Variants in SPEN observed in about 807,000 individuals in gnomAD.
SPEN encodes the protein spen family transcriptional repressor.
Under a neutral mutation model 269.9 loss-of-function variants are expected in SPEN, and 18 were observed. That is an observed-to-expected ratio of 0.07 (90% confidence interval 0.05 to 0.10). SPEN has a LOEUF of 0.10. SPEN is among the 10% of genes least tolerant of loss of function. SPEN has a pLI of 1.00. For missense variants in SPEN, 3,822 were observed against 4,631.2 expected (o/e 0.83, Z 5.07); for synonymous variants, 1,726 against 1,765.7 (o/e 0.98, Z 0.56).
intron 3 of SPEN, among the ~76,000 whole-genome samples, chr1:15,907,331 A>G (rs777355158): frequency 6.6e-6 from 1 of 152,066 alleles, no homozygotes; most frequent in Non-Finnish European, 1.5e-5. Context: ...AAAATATAAA[A>G]AATAGCTGGG....
intron 3 of SPEN, among the ~76,000 whole-genome samples, chr1:15,888,118 T>C (rs942181917): frequency 6.7e-6 from 1 of 150,080 alleles, no homozygotes; most frequent in Admixed American, 6.7e-5. Context: ...TTTATTTGTC[T>C]TTTTTTTTGA....
At chr1:15,867,487 C>A (rs2070526219) in intron 1 of SPEN, among the ~76,000 whole-genome samples, 1 of 152,146 alleles carries the variant, frequency 6.6e-6, no homozygotes, top group Non-Finnish European at 1.5e-5. Context: ...CCTGAGCCAC[C>A]ACGCCTGGCT....
chr1:15,903,288 A>T (rs2070920834), intron 3 of SPEN, among the ~76,000 whole-genome samples: 2 of 152,210 alleles, frequency 1.3e-5, no homozygotes, highest in African/African-American at 4.8e-5. Flanking sequence ...ATATTTCTTC[A>T]TAAGGAAATA....
chr1:15,860,170 C>T (rs1306458009), intron 1 of SPEN, among the ~76,000 whole-genome samples: 3 of 151,954 alleles, frequency 2.0e-5, no homozygotes, highest in African/African-American at 7.3e-5. Flanking sequence ...CTCGGCCTCC[C>T]AAAGTGCTGG....
At position 15,937,069 on chromosome 1, in the gene SPEN, T is replaced by C; in HGVS notation, c.10027-94T>C. The C allele has an allele frequency of 6.6e-7, 1 of 1,507,542 alleles. No homozygotes were observed. The highest frequency in any genetic ancestry group is 8.9e-7 in the Non-Finnish European group (1 of 1,118,318). The allele number at this position is 1,507,542 out of a possible 1,614,324, so 93.4% of individuals were successfully genotyped here. On this transcript the variant is annotated intron_variant, in intron 11 of 14. Transcript: ENST00000375759. The surrounding 1 kb of genome is among the most constrained non-coding windows in gnomAD (Gnocchi z 5.7). ...ACTTAACGGGAGATGCCACATCTTA[T>C]CCTTTCCCTGTGGCCCTTTGGGTCA...
chr1:15,903,621 C>T (rs1236660739), intron 3 of SPEN, among the ~76,000 whole-genome samples: 1 of 151,772 alleles, frequency 6.6e-6, no homozygotes, highest in Non-Finnish European at 1.5e-5. Context: ...AGTGATCTGC[C>T]TGCCTTGGCC....
chr1:15,937,550 G>A lies in SPEN; in HGVS notation c.10414G>A (p.Val3472Ile). 5.0e-6 allele frequency: 8 copies of A among 1,614,094 alleles called. No individual in the cohort carries two copies. Among genetic ancestry groups the A allele is most frequent in the Non-Finnish European group, 6.8e-6 (8 of 1,180,018 alleles). ...TGGCCCCAGCACCCCACCAGGACTG[G>A]TTCTGCCACACACTGAATTCCAGCC... ...TSGPSTPPGL[V>I]LPHTEFQPAP... The change falls in exon 12 of 15, where the codon GTT (valine) becomes ATT (isoleucine). Residue 3472 changes from valine (V) to isoleucine (I), a missense_variant. This residue lies in a region of SPEN where 359 missense variants were observed against 377.3 expected (regional missense o/e 0.95). Coordinates refer to ENST00000375759, the MANE Select transcript of SPEN (RefSeq NM_015001.3). This position sits in a 1 kb window ranked among gnomAD's most constrained non-coding sequence, Gnocchi z 5.7.
chr1:15,862,966 T>C (rs1030002272), intron 1 of SPEN, among the ~76,000 whole-genome samples: 3 of 152,166 alleles, frequency 2.0e-5, no homozygotes, highest in Non-Finnish European at 1.5e-5. Context: ...TTTCACTGTG[T>C]TAGCCAGGAT....
chr1:15,932,556 G>T lies in SPEN; in HGVS notation c.6316G>T (p.Ala2106Ser). 6.3e-7 allele frequency: 1 copy of T among 1,599,006 alleles called. No homozygotes were observed. The highest frequency in any genetic ancestry group is 8.5e-7 in the Non-Finnish European group (1 of 1,171,018). Residue 2106 changes from alanine (A) to serine (S), a missense_variant, in exon 11 of 15, where the codon GCA (alanine) becomes TCA (serine). Ala to Ser is a moderately conservative substitution (Grantham distance 99). Transcript: ENST00000375759. The surrounding 1 kb of genome is among the most constrained non-coding windows in gnomAD (Gnocchi z 4.2). Reference protein sequence around the residue: ...VDAAVSPRGAAAQAGERESGV... With the variant: ...VDAAVSPRGASAQAGERESGV... The stretch of plus-strand genomic sequence containing the variant: ...TGCTGCTGTCAGTCCCAGGGGGGCT[G>T]CAGCACAGGCAGGGGAGAGGGAATC...
chr1:15,897,138 G>A (rs890184992), intron 3 of SPEN, among the ~76,000 whole-genome samples: 3 of 152,076 alleles, frequency 2.0e-5, no homozygotes, highest in East Asian at 1.9e-4. Context: ...TCTGATGACC[G>A]GAGAAATCTG....
intron 1 of SPEN, among the ~76,000 whole-genome samples, chr1:15,859,975 G>T (rs2070427735): frequency 7.8e-6 from 1 of 128,240 alleles, no homozygotes; most frequent in South Asian, 2.6e-4. Context: ...GCAGTGGTGC[G>T]ATCTCAGCTC....
At chr1:15,918,311 C>T (rs1163625959) in intron 6 of SPEN, among the ~76,000 whole-genome samples, 5 of 152,244 alleles carry the variant, frequency 3.3e-5, no homozygotes, top group African/African-American at 2.4e-5. Flanking sequence ...CTCTGCCTCC[C>T]GGGTTCAAGC....
intron 3 of SPEN, among the ~76,000 whole-genome samples, chr1:15,902,418 T>C (rs12406632): frequency 0.11 from 16,126 of 152,152 alleles, 1,232 homozygotes; most frequent in Admixed American, 0.23. Flanking sequence ...ACAGGTCCTC[T>C]TACACTTAGA....
intron 5 of SPEN, among the ~76,000 whole-genome samples, chr1:15,915,879 G>T (rs549650864): frequency 6.6e-6 from 1 of 151,704 alleles, no homozygotes; most frequent in Non-Finnish European, 1.5e-5. Context: ...AATTTTAAAG[G>T]TTAAACAAAG....
Position 15,930,171 on chromosome 1 carries a change from C to G in SPEN, c.3931C>G (p.Pro1311Ala). ...TVREESLKFN[P>A]YDSSRREQMA... is the part of the protein sequence containing the mutation. ...CAGGGAAGAGTCTTTAAAATTTAAT[C>G]CTTATGATTCTAGCAGGAGAGAACA... The change falls in exon 11 of 15, where the codon CCT becomes GCT. Residue 1311 changes from proline to alanine, a missense_variant. By Grantham distance (27) the Pro-to-Ala change is conservative (BLOSUM62 -1). This residue lies in a region of SPEN where 267 missense variants were observed against 315.5 expected (regional missense o/e 0.85). Transcript: ENST00000375759. This position sits in a 1 kb window ranked among gnomAD's most constrained non-coding sequence, Gnocchi z 5.3. The G allele has an allele frequency of 6.2e-7, 1 of 1,614,132 alleles. No individual in the cohort carries two copies. Among genetic ancestry groups the G allele is most frequent in the Non-Finnish European group, 8.5e-7 (1 of 1,180,038 alleles).
At chr1:15,868,294 A>C (rs1355694892) in intron 1 of SPEN, among the ~76,000 whole-genome samples, 1 of 151,852 alleles carries the variant, frequency 6.6e-6, no homozygotes, top group Non-Finnish European at 1.5e-5. Context: ...GACTTGAGCC[A>C]CTGTGTCCAG....
chr1:15,866,108 A>G (rs1482032318), intron 1 of SPEN, among the ~76,000 whole-genome samples: 2 of 152,138 alleles, frequency 1.3e-5, no homozygotes, highest in Non-Finnish European at 2.9e-5. Context: ...ATAAGCTAAT[A>G]CATATCTTCA....
chr1:15,938,022 C>T lies in SPEN; in HGVS notation c.10704+16C>T, dbSNP rs2071294419. The T allele has an allele frequency of 1.3e-6, 2 of 1,582,518 alleles. No individual in the cohort carries two copies. The highest frequency in any genetic ancestry group is 1.7e-6 in the Non-Finnish European group (2 of 1,165,178). Reference sequence around the variant, plus strand: ...AAGGATGACGGTAAGACTCTCAGGCCCAGGTGAGCAACTGCCCCACCTACA... The same window carrying T: ...AAGGATGACGGTAAGACTCTCAGGCTCAGGTGAGCAACTGCCCCACCTACA... On this transcript the variant is annotated intron_variant, in intron 13 of 14. Transcript: ENST00000375759.
chr1:15,880,225 G>C (rs2070673971), intron 3 of SPEN, among the ~76,000 whole-genome samples: 1 of 151,974 alleles, frequency 6.6e-6, no homozygotes, highest in South Asian at 2.1e-4. Flanking sequence ...TCTTATGTCT[G>C]TGTAGATTCT....
Sources: gnomAD v4.1 joint callset for allele counts (sites outside exome capture counted in the v4.1 genomes callset) on GRCh38, gnomAD v4.1.1 for gene constraint, gnomAD v4.1.1 regional missense constraint, Gnocchi (gnomAD v3.1) non-coding constraint, MANE v1.5 for transcripts, NCBI Gene and HGNC (gene_info 2026-07-23, HGNC 2026-07-21) for gene names.